CDH2: variants seen among roughly 807,000 people sequenced by gnomAD.
CDH2 encodes the protein cadherin-2.
CDH2 carries 17 observed loss-of-function variants against 92.0 expected under a neutral mutation model. The ratio of observed to expected loss-of-function variants is 0.18; its 90% CI spans 0.13 to 0.28. The LOEUF (loss-of-function observed/expected upper bound fraction) is 0.28, where lower values mean the gene tolerates loss of function less well. Among genes scored for constraint, CDH2 ranks in the 10% least tolerant of loss-of-function variants. The pLI is 1.00. For synonymous variants in CDH2, 419 were observed against 415.9 expected (o/e 1.01, Z -0.09); for missense variants, 862 against 1,133.1 (o/e 0.76, Z 3.44).
intron 1 of CDH2, among the ~76,000 whole-genome samples, chr18:28,166,385 C>A (rs755790968): frequency 1.3e-4 from 20 of 151,728 alleles, no homozygotes; most frequent in Non-Finnish European, 2.5e-4. Context: ...ACAGCTTCAT[C>A]AAGAAGGCCT....
chr18:28,164,709 C>G (rs1318681929), intron 1 of CDH2, among the ~76,000 whole-genome samples: 1 of 152,064 alleles, frequency 6.6e-6, no homozygotes, highest in Admixed American at 6.6e-5. Context: ...CACATGGGTC[C>G]TTACTAGCAT....
intron 1 of CDH2, among the ~76,000 whole-genome samples, chr18:28,155,368 G>C (rs879497147): frequency 9.2e-5 from 14 of 152,156 alleles, no homozygotes; most frequent in Admixed American, 2.0e-4. Flanking sequence ...ACAGGACAAG[G>C]GTTAGCTATT....
At chr18:28,002,626 AG>A (rs1402810439) in intron 7 of CDH2, among the ~76,000 whole-genome samples, 1 of 152,224 alleles carries the variant, frequency 6.6e-6, no homozygotes, top group African/African-American at 2.4e-5. Flanking sequence ...TAATAACACA[AG>A]CATTAACAAT....
chr18:28,099,423 C>A lies in CDH2; in HGVS notation c.172+48250G>T, dbSNP rs539835695. On this transcript the variant is annotated intron_variant, in intron 2 of 15. Coordinates refer to ENST00000269141, the MANE Select transcript of CDH2 (RefSeq NM_001792.5). The stretch of plus-strand genomic sequence containing the variant: ...GGACTCAAGTTATTTATAGCTGATA[C>A]AATTCATTTCCAAAACAATGATGTC... Among the ~76,000 whole-genome samples the A allele has an allele frequency of 5.3e-5, 8 of 152,260 alleles. No individual in the cohort carries two copies. The East Asian group carries it at 1.5e-3, about 29-fold the overall frequency.
chr18:28,144,514 A>G (rs1370132641), intron 2 of CDH2, among the ~76,000 whole-genome samples: 2 of 152,080 alleles, frequency 1.3e-5, no homozygotes, highest in Admixed American at 1.3e-4. Flanking sequence ...CAAACTCTAC[A>G]TTCCCTTTGA....
At position 28,013,905 on chromosome 18, in the gene CDH2, C is replaced by A; in HGVS notation, c.177G>T (p.Lys59Asn). ...TTCTTTTTCCATTGCAGTTGCTAAACTTCACTGTAAAAGATAAGAAATAGG... is the reference window on the plus strand; with the variant it reads ...TTCTTTTTCCATTGCAGTTGCTAAAATTCACTGTAAAAGATAAGAAATAGG... ...VHEGQPLLNV[K>N]FSNCNGKRKV... is the part of the protein sequence containing the mutation. The change falls in exon 3 of 16, where the codon AAG becomes AAT. Residue 59 changes from lysine to asparagine, a missense_variant. Transcript: ENST00000269141. The A allele has an allele frequency of 6.2e-7, 1 of 1,610,054 alleles. No individual in the cohort carries two copies. The highest frequency in any genetic ancestry group is 8.5e-7 in the Non-Finnish European group (1 of 1,178,610).
chr18:28,033,276 T>G (rs2013743510), intron 2 of CDH2, among the ~76,000 whole-genome samples: 1 of 152,094 alleles, frequency 6.6e-6, no homozygotes, highest in African/African-American at 2.4e-5. Flanking sequence ...GAAGTATTTT[T>G]TCAAGGGCAA....
At chr18:27,996,689 C>G (rs1002663255) in intron 7 of CDH2, among the ~76,000 whole-genome samples, 1 of 152,142 alleles carries the variant, frequency 6.6e-6, no homozygotes, top group Admixed American at 6.5e-5. Flanking sequence ...GTCCCAAGGG[C>G]CCTTGCTTTG....
At chr18:28,015,750 C>A (rs17468219) in intron 2 of CDH2, among the ~76,000 whole-genome samples, 297 of 152,274 alleles carry the variant, frequency 2.0e-3, no homozygotes, top group Middle Eastern at 0.014. Flanking sequence ...CCTGGGTAGT[C>A]TTCCCAGTTC....
intron 1 of CDH2, among the ~76,000 whole-genome samples, chr18:28,170,226 C>A (rs2016444089): frequency 6.6e-6 from 1 of 152,202 alleles, no homozygotes; most frequent in Non-Finnish European, 1.5e-5. Flanking sequence ...TATCTTCATT[C>A]TTAAATCTAC....
chr18:28,017,564 T>G (rs1238224610), intron 2 of CDH2, among the ~76,000 whole-genome samples: 1 of 152,162 alleles, frequency 6.6e-6, no homozygotes, highest in Admixed American at 6.6e-5. Flanking sequence ...AATAACCAGC[T>G]TTTTGTTTCA....
In CDH2 at chr18:27,952,252, A is replaced by C. The variant is rs773118735; in HGVS notation, c.2622T>G (p.Asn874Lys). Residue 874 changes from asparagine (N) to lysine (K), a missense_variant, in exon 16 of 16, where the codon AAT becomes AAG. Physicochemically the swap from Asn to Lys is moderately conservative, Grantham distance 94. Transcript: ENST00000269141. The part of the protein sequence containing the change: ...GSTAGSLSSL[N>K]SSSSGGEQDY... The stretch of plus-strand genomic sequence containing the variant: ...CCTGCTCACCACCACTACTTGAGGA[A>C]TTAAGGGAGCTCAAGGACCCAGCAG... The C allele has an allele frequency of 1.2e-6, 2 of 1,613,632 alleles. No individual in the cohort carries two copies. Among genetic ancestry groups the C allele is most frequent in the Non-Finnish European group, 1.7e-6 (2 of 1,179,676 alleles).
Position 28,078,419 on chromosome 18 carries a change from G to A in CDH2, c.173-64510C>T, listed in dbSNP as rs1038499898. The stretch of plus-strand genomic sequence containing the variant: ...GAACTTCAGCAATGGGAAAGGTAGA[G>A]TGTTGGGGAGGAACTTAACTAAAGA... On this transcript the variant is annotated intron_variant, in intron 2 of 15. Coordinates refer to ENST00000269141, the MANE Select transcript of CDH2 (RefSeq NM_001792.5). Among the ~76,000 whole-genome samples the A allele has an allele frequency of 3.3e-5, 5 of 152,156 alleles. No homozygotes were observed. In the East Asian group the frequency reaches 9.7e-4, roughly 29 times the overall value.
chr18:28,068,737 A>G (rs2014560311), intron 2 of CDH2, among the ~76,000 whole-genome samples: 1 of 152,224 alleles, frequency 6.6e-6, no homozygotes, highest in Non-Finnish European at 1.5e-5. Flanking sequence ...GAAGGTTGAC[A>G]TGAAATCCCT....
At chr18:28,089,401 T>G (rs1436299426) in intron 2 of CDH2, among the ~76,000 whole-genome samples, 1 of 152,228 alleles carries the variant, frequency 6.6e-6, no homozygotes, top group Non-Finnish European at 1.5e-5. Context: ...CTTCACATTA[T>G]AATTATAAAA....
chr18:28,146,907 C>T (rs886355618), intron 2 of CDH2, among the ~76,000 whole-genome samples: 12 of 152,084 alleles, frequency 7.9e-5, no homozygotes, highest in Admixed American at 5.2e-4. Flanking sequence ...TGACATTTTG[C>T]GTAATAATAA....
chr18:28,125,045 T>C (rs1356582543), intron 2 of CDH2, among the ~76,000 whole-genome samples: 1 of 152,230 alleles, frequency 6.6e-6, no homozygotes, highest in Non-Finnish European at 1.5e-5. Context: ...ACTTTTTAGT[T>C]GGGCAGGGAA....
chr18:28,043,900 T>G (rs1181913839), intron 2 of CDH2, among the ~76,000 whole-genome samples: 1 of 26,904 alleles, frequency 3.7e-5, no homozygotes, highest in African/African-American at 2.9e-4. Context: ...ATTTTTTTTT[T>G]TTTTTTTTTT....
chr18:27,952,465 G>A (rs1909508954), intron 15 of CDH2, 106 bp from the exon 16 acceptor site: 1 of 841,620 alleles, frequency 1.2e-6, no homozygotes, highest in Non-Finnish European at 1.9e-6. Context: ...ACACTTGTTT[G>A]TAAATTTCCA....
Sources: allele counts gnomAD v4.1 joint callset (sites outside exome capture counted in the v4.1 genomes callset), GRCh38; gene constraint gnomAD v4.1.1; transcripts MANE v1.5; gene names NCBI Gene and HGNC (gene_info 2026-07-23, HGNC 2026-07-21).